The following NTM variants were observed in gnomAD, a reference collection of about 807,000 sequenced individuals.
NTM encodes neurotrimin, also known as IgLON family member 2.
In NTM, 13 loss-of-function variants were observed where a neutral mutation model predicts 42.1. The ratio of observed to expected loss-of-function variants is 0.31; its 90% confidence interval spans 0.20 to 0.49. The LOEUF (loss-of-function observed/expected upper bound fraction) is 0.49, where lower values mean the gene tolerates loss of function less well. Among genes scored for constraint, NTM ranks in the 20% least tolerant of loss-of-function variants. The pLI is 0.99. For missense variants in NTM, 373 were observed against 452.8 expected (o/e 0.82, Z 1.60); for synonymous variants, 187 against 179.2 (o/e 1.04, Z -0.35).
chr11:131,984,776 T>A (rs1201717770), intron 2 of NTM: 6 of 152,186 alleles, frequency 3.9e-5, no homozygotes, highest in Non-Finnish European at 8.8e-5. Flanking sequence ...TGAAAAAAAA[T>A]AAAAAATATA....
At chr11:131,781,355 A>G (rs557536400) in intron 1 of NTM, among the ~76,000 whole-genome samples, 4 of 152,302 alleles carry the variant, frequency 2.6e-5, no homozygotes, top group African/African-American at 9.6e-5. Flanking sequence ...ATCATACTGA[A>G]TAGGAGTAAT....
chr11:132,090,961 A>T (rs1030488548), intron 2 of NTM, among the ~76,000 whole-genome samples: 6 of 152,150 alleles, frequency 3.9e-5, no homozygotes, highest in Non-Finnish European at 7.3e-5. Flanking sequence ...CTGTTTTTCT[A>T]TTCCTCCCAT....
intron 1 of NTM, among the ~76,000 whole-genome samples, chr11:131,426,585 T>C (rs79997041): frequency 0.015 from 2,246 of 152,248 alleles, 56 homozygotes; most frequent in African/African-American, 0.052. Context: ...ACAAAAGAGC[T>C]GAGTTATCGA....
chr11:131,607,689 A>G (rs532719973), intron 1 of NTM, among the ~76,000 whole-genome samples: 407 of 152,248 alleles, frequency 2.7e-3, no homozygotes, highest in Non-Finnish European at 4.3e-3. Context: ...TGTCTATAAA[A>G]CAAGGTCTCT....
chr11:131,424,938 G>T (rs1272223467), intron 1 of NTM, among the ~76,000 whole-genome samples: 1 of 148,570 alleles, frequency 6.7e-6, no homozygotes, highest in Non-Finnish European at 1.5e-5. Context: ...GGAATGCGGT[G>T]GCTCGATCTT....
At chr11:132,285,989 C>A (rs779649733) in intron 4 of NTM, among the ~76,000 whole-genome samples, 2 of 152,164 alleles carry the variant, frequency 1.3e-5, no homozygotes, top group Non-Finnish European at 2.9e-5. Flanking sequence ...TCAGTGGGCA[C>A]CTGCAAACTA....
chr11:132,308,120 C>G (rs1052391207), intron 5 of NTM, among the ~76,000 whole-genome samples: 8 of 152,262 alleles, frequency 5.3e-5, no homozygotes, highest in Admixed American at 2.0e-4. Flanking sequence ...TTTTTAAACA[C>G]GTCTTCAAAT....
intron 1 of NTM, among the ~76,000 whole-genome samples, chr11:131,378,557 T>C (rs1456564932): frequency 1.3e-5 from 2 of 152,204 alleles, no homozygotes; most frequent in Non-Finnish European, 2.9e-5. Flanking sequence ...TGCATGCATT[T>C]ATTTACCTAT....
At chr11:131,997,965 C>T (rs562686164) in intron 2 of NTM, among the ~76,000 whole-genome samples, 32 of 152,114 alleles carry the variant, frequency 2.1e-4, no homozygotes, top group South Asian at 1.0e-3. Flanking sequence ...GCTTCCTTTC[C>T]GCCCCTCCCC....
rs71475756 is a variant in NTM at position 131,424,726 on chromosome 11, A to ATTT, written c.82+53852_82+53854dup. On this transcript the variant is annotated intron_variant, in intron 1 of 8. Transcript: ENST00000683400. ...AGGCACCCACCACCATGCCTGGCTA[A>ATTT]TTTTTTTTTTTTTTTTGTATTTTTA... Among the ~76,000 whole-genome samples, 870 of 122,128 alleles carry ATTT rather than the reference A, an allele frequency of 7.1e-3. 14 individuals are homozygous for ATTT. The highest frequency in any genetic ancestry group is 0.011 in the Non-Finnish European group (643 of 60,018). 80.1% of individuals were successfully genotyped at this position (122,128 alleles called of 152,430 possible).
chr11:131,823,793 G>C (rs781755850), intron 1 of NTM, among the ~76,000 whole-genome samples: 1 of 152,172 alleles, frequency 6.6e-6, no homozygotes, highest in Non-Finnish European at 1.5e-5. Context: ...TATTATTTCA[G>C]CTAGAGCTAA....
chr11:131,969,750 A>G (rs998642135), intron 2 of NTM, among the ~76,000 whole-genome samples: 2 of 152,252 alleles, frequency 1.3e-5, no homozygotes, highest in African/African-American at 2.4e-5. Flanking sequence ...CTCTAACCCC[A>G]GGCAACCTGC....
intron 1 of NTM, among the ~76,000 whole-genome samples, chr11:131,726,436 G>C (rs2078982989): frequency 2.7e-5 from 4 of 146,494 alleles, no homozygotes; most frequent in Admixed American, 2.7e-4. Flanking sequence ...GGCATCTAGA[G>C]ACACCAGCCC....
At chr11:131,799,817 C>T (rs572789587) in intron 1 of NTM, among the ~76,000 whole-genome samples, 1 of 152,190 alleles carries the variant, frequency 6.6e-6, no homozygotes. Flanking sequence ...TAGTGGCCTG[C>T]AGTTAACTAT....
At chr11:131,807,239 A>T (rs1782118749) in intron 1 of NTM, among the ~76,000 whole-genome samples, 1 of 152,198 alleles carries the variant, frequency 6.6e-6, no homozygotes, top group African/African-American at 2.4e-5. Context: ...CACGCTTGGG[A>T]ATCCAGACTT....
At chr11:131,684,742 G>A (rs2073583004) in intron 1 of NTM, among the ~76,000 whole-genome samples, 1 of 152,224 alleles carries the variant, frequency 6.6e-6, no homozygotes, top group Non-Finnish European at 1.5e-5. Context: ...GAGGGCCTCT[G>A]GAGGCAGCAG....
At chr11:131,637,802 C>G (rs1467933698) in intron 1 of NTM, among the ~76,000 whole-genome samples, 1 of 152,008 alleles carries the variant, frequency 6.6e-6, no homozygotes, top group African/African-American at 2.4e-5. Flanking sequence ...TGGTGGTGCA[C>G]AAGAGAAGGT....
intron 4 of NTM, among the ~76,000 whole-genome samples, chr11:132,214,716 C>T (rs543107616): frequency 1.8e-4 from 28 of 152,188 alleles, no homozygotes; most frequent in Non-Finnish European, 3.5e-4. Flanking sequence ...TTGTGACCAT[C>T]GAACAGATTC....
At chr11:131,532,529 G>A (rs2051447193) in intron 1 of NTM, among the ~76,000 whole-genome samples, 1 of 152,144 alleles carries the variant, frequency 6.6e-6, no homozygotes, top group Non-Finnish European at 1.5e-5. Context: ...TATGAGCACT[G>A]GTCTACATGT....
Sources: gnomAD v4.1 joint callset for allele counts (sites outside exome capture counted in the v4.1 genomes callset) on GRCh38, gnomAD v4.1.1 for gene constraint, MANE v1.5 for transcripts, NCBI Gene and HGNC (gene_info 2026-07-23, HGNC 2026-07-21) for gene names.